MCF2L: variants seen among roughly 807,000 people sequenced by gnomAD.
MCF2L encodes guanine nucleotide exchange factor DBS.
MCF2L carries 97 observed loss-of-function variants against 153.4 expected under a neutral mutation model. The observed-to-expected ratio is 0.63, with a 90% CI of 0.54 to 0.75. MCF2L has a LOEUF of 0.75. Ranked by LOEUF, MCF2L falls within the 30% of genes least tolerant of loss-of-function variation. The probability of loss-of-function intolerance (pLI) is 0.00; values close to 1 mark genes in which losing one functional copy is unlikely to be tolerated. For missense variants in MCF2L, 1,347 were observed against 1,495.2 expected, an observed-to-expected ratio of 0.90 and a Z score of 1.64; for synonymous variants, 659 against 632.2, an observed-to-expected ratio of 1.04 and a Z score of -0.64.
chr13:112,968,489 C>A, upstream of MCF2L: 1 of 1,586,830 alleles, frequency 6.3e-7, no homozygotes, highest in East Asian at 2.3e-5. Flanking sequence ...GAGCCCCGTG[C>A]CTGCAGCGCG....
chr13:112,981,998 G>A (rs1278400369), intron 1 of MCF2L, among the ~76,000 whole-genome samples: 1 of 152,228 alleles, frequency 6.6e-6, no homozygotes, highest in Non-Finnish European at 1.5e-5. Flanking sequence ...TCAGGGCTGG[G>A]GGAAGATGCT....
rs149645765 is a variant in MCF2L, at chr13:113,027,029, T to C, written c.278+2271T>C. 1.8e-5 allele frequency: 14 copies of C among 778,232 alleles called. No individual in the cohort carries two copies. Among genetic ancestry groups the C allele is most frequent in the Non-Finnish European group, 2.9e-5 (12 of 417,768 alleles). The allele number at this position is 778,232 out of a possible 1,614,324, so 48.2% of individuals were successfully genotyped here. A position where few individuals can be genotyped will look rare whatever the true frequency, so the allele number is the denominator to read the frequency against. On this transcript the variant is annotated intron_variant, in intron 3 of 29. Coordinates refer to ENST00000535094, the MANE Select transcript of MCF2L (RefSeq NM_001112732.3). This position sits in a 1 kb window ranked among gnomAD's most constrained non-coding sequence, Gnocchi z 4.8. Reference sequence around the variant, plus strand: ...GTAGTTGCTGCTTCCATTTGGGGTATAGTGAACACACACCAAGTAAAAACA... The same window carrying C: ...GTAGTTGCTGCTTCCATTTGGGGTACAGTGAACACACACCAAGTAAAAACA...
chr13:113,096,100 C>T, intron 27 of MCF2L: 1 of 555,960 alleles, frequency 1.8e-6, no homozygotes, highest in Non-Finnish European at 3.2e-6. Context: ...CGCAAAGGCC[C>T]TGGGGCCGAG....
intron 1 of MCF2L, among the ~76,000 whole-genome samples, chr13:112,996,195 G>A (rs957801872): frequency 8.5e-5 from 13 of 152,188 alleles, no homozygotes; most frequent in Non-Finnish European, 1.5e-5. Context: ...AGGCTTGGAG[G>A]CGTGCACCTG....
intron 3 of MCF2L, 30 bp downstream of exon 3, chr13:113,024,788 G>A (rs2085120290): frequency 6.4e-7 from 1 of 1,558,316 alleles, no homozygotes. Flanking sequence ...GGCAGACATT[G>A]TGGTTTGGGG....
chr13:112,927,388 ATGGAAAAAACTGAACACAGAGAGCCCAGT>A (rs2081418806), intron 2 of MCF2L, among the ~76,000 whole-genome samples: 1 of 152,218 alleles, frequency 6.6e-6, no homozygotes, highest in African/African-American at 2.4e-5. Flanking sequence ...AGACCTGTCC[ATGGAAAAAACTGAACACAGAGAGCCCAGT>A]TGTGGTCTCC....
chr13:113,081,382 C>CAAAT (rs1266152754), intron 16 of MCF2L, 103 bp downstream of exon 16: 1 of 1,167,784 alleles, frequency 8.6e-7, no homozygotes, highest in African/African-American at 1.5e-5. Context: ...TGCTGTCCAC[C>CAAAT]AAATGCATGT....
At chr13:113,010,932 C>T (rs548308904) in intron 1 of MCF2L, among the ~76,000 whole-genome samples, 6 of 152,330 alleles carry the variant, frequency 3.9e-5, no homozygotes, top group East Asian at 1.9e-4. Flanking sequence ...ATTGTTCCTC[C>T]GTGCGCTTCT....
intron 2 of MCF2L, among the ~76,000 whole-genome samples, chr13:112,946,475 G>A (rs1393463695): frequency 6.6e-6 from 1 of 152,128 alleles, no homozygotes; most frequent in African/African-American, 2.4e-5. Flanking sequence ...CTGGAAGTGG[G>A]AACTACAAAG....
intron 1 of MCF2L, chr13:113,009,161 C>T (rs1057122214): frequency 3.9e-5 from 6 of 152,282 alleles, no homozygotes; most frequent in Admixed American, 6.5e-5. Context: ...CGTGGGAGTC[C>T]GCCGGCTCCT....
At chr13:112,898,951 C>A (rs1432119353) in intron 1 of MCF2L, among the ~76,000 whole-genome samples, 3 of 152,206 alleles carry the variant, frequency 2.0e-5, no homozygotes, top group Non-Finnish European at 4.4e-5. Context: ...ACCCTGTGCC[C>A]CCTCCCAGGG....
At chr13:112,981,608 G>T (rs986582321) in intron 1 of MCF2L, among the ~76,000 whole-genome samples, 2 of 152,252 alleles carry the variant, frequency 1.3e-5, no homozygotes, top group Non-Finnish European at 2.9e-5. Context: ...TGGGTGTAGT[G>T]AGAGGCAGAC....
At chr13:113,014,925 G>C in intron 2 of MCF2L, 79 bp downstream of exon 2, 1 of 1,334,812 alleles carries the variant, frequency 7.5e-7, no homozygotes, top group Non-Finnish European at 1.1e-6. Flanking sequence ...CCGTGGCCTG[G>C]CCCAGGCTGG....
In MCF2L at chr13:112,993,689, G is replaced by T. The variant is rs1347237614; in HGVS notation, c.80-21074G>T. Among the ~76,000 whole-genome samples the T allele has an allele frequency of 6.6e-6, 1 of 152,088 alleles. No homozygotes were observed. Among genetic ancestry groups the T allele is most frequent in the Non-Finnish European group, 1.5e-5 (1 of 68,022 alleles). On this transcript the variant is annotated intron_variant, in intron 1 of 29. Coordinates refer to ENST00000535094, the MANE Select transcript of MCF2L (RefSeq NM_001112732.3). This position sits in a 1 kb window ranked among gnomAD's most constrained non-coding sequence, Gnocchi z 4.6. ...GATGTCAGGCTTGGAATTTGGGGTG[G>T]ACGGTGGTGCCATCAGTCAAGAGAG...
In MCF2L at chr13:113,028,947, G is replaced by A. The variant is rs940577028; in HGVS notation, c.278+4189G>A. Among the ~76,000 whole-genome samples the A allele has an allele frequency of 1.3e-5, 2 of 151,002 alleles. No individual in the cohort carries two copies. Among genetic ancestry groups the A allele is most frequent in the African/African-American group, 4.9e-5 (2 of 40,982 alleles). On this transcript the variant is annotated intron_variant, in intron 3 of 29. Coordinates refer to ENST00000535094, the MANE Select transcript of MCF2L (RefSeq NM_001112732.3). This position sits in a 1 kb window ranked among gnomAD's most constrained non-coding sequence, Gnocchi z 5.4. ...GGTAAGTGGTGTGTGTGGTATGTGT[G>A]GACTATGTGAGGCATGTGTGGGGTG... is the stretch of plus-strand genomic sequence containing the variant.
intron 5 of MCF2L, among the ~76,000 whole-genome samples, chr13:113,061,263 C>T (rs2031362052): frequency 6.6e-6 from 1 of 152,186 alleles, no homozygotes. Context: ...TCTCCCAACA[C>T]TGCCCACTGA....
chr13:112,988,522 G>A (rs2082743838), intron 1 of MCF2L, among the ~76,000 whole-genome samples: 1 of 148,956 alleles, frequency 6.7e-6, no homozygotes, highest in South Asian at 2.1e-4. Flanking sequence ...CCACACCCGA[G>A]TCCTCCCTGA....
At chr13:112,977,161 G>C (rs550561570) in intron 1 of MCF2L, among the ~76,000 whole-genome samples, 7 of 152,294 alleles carry the variant, frequency 4.6e-5, no homozygotes, top group African/African-American at 1.7e-4. Flanking sequence ...GCTAATGTAA[G>C]ACTCTTTTAC....
At chr13:113,044,618 G>T in intron 3 of MCF2L, 1 of 1,585,432 alleles carries the variant, frequency 6.3e-7, no homozygotes, top group East Asian at 2.3e-5. Flanking sequence ...GTGAGCCCAC[G>T]GAAGAGGGCT....
Sources: allele counts gnomAD v4.1 joint callset (sites outside exome capture counted in the v4.1 genomes callset), GRCh38; gene constraint gnomAD v4.1.1; non-coding constraint Gnocchi (gnomAD v3.1); transcripts MANE v1.5; gene names NCBI Gene and HGNC (gene_info 2026-07-23, HGNC 2026-07-21).